PBX3: variants seen among roughly 807,000 people sequenced by gnomAD.
The protein encoded by PBX3 is pre-B-cell leukemia transcription factor 3.
In PBX3, 14 loss-of-function variants were observed where a neutral mutation model predicts 48.5. The ratio of observed to expected loss-of-function variants is 0.29; its 90% CI spans 0.19 to 0.45. PBX3 has a LOEUF of 0.45. Ranked by LOEUF, PBX3 falls within the 20% of genes least tolerant of loss-of-function variation. PBX3 has a pLI of 1.00. For missense variants in PBX3, 386 were observed against 546.7 expected (o/e 0.71, Z 2.93); for synonymous variants, 210 against 200.3 (o/e 1.05, Z -0.41).
chr9:125,773,549 G>A (rs1030214064), intron 2 of PBX3, among the ~76,000 whole-genome samples: 4 of 152,140 alleles, frequency 2.6e-5, no homozygotes, highest in Non-Finnish European at 5.9e-5. Flanking sequence ...TTTGTTTACT[G>A]TTTTGTCCTC....
At chr9:125,835,933 T>C (rs374289032) in intron 2 of PBX3, among the ~76,000 whole-genome samples, 7 of 152,202 alleles carry the variant, frequency 4.6e-5, no homozygotes, top group African/African-American at 1.7e-4. Flanking sequence ...TAGCAAGATA[T>C]AGAATCAGCC....
At chr9:125,822,013 C>G (rs941228171) in intron 2 of PBX3, among the ~76,000 whole-genome samples, 1 of 152,062 alleles carries the variant, frequency 6.6e-6, no homozygotes, top group Middle Eastern at 3.4e-3. Context: ...AAAATGATGG[C>G]AATTTCATAA....
chr9:125,753,623 A>C (rs542448004), intron 2 of PBX3, among the ~76,000 whole-genome samples: 2 of 151,888 alleles, frequency 1.3e-5, no homozygotes, highest in Non-Finnish European at 2.9e-5. Context: ...TTTGTTCCTT[A>C]GTTTTAATGA....
intron 2 of PBX3, among the ~76,000 whole-genome samples, chr9:125,888,480 A>T (rs75635430): frequency 6.6e-6 from 1 of 151,936 alleles, no homozygotes; most frequent in African/African-American, 2.4e-5. Context: ...AGGAGAGGAG[A>T]GGCGGCATAC....
chr9:125,754,526 AAAT>A (rs1185266333), intron 2 of PBX3, among the ~76,000 whole-genome samples: 2 of 152,126 alleles, frequency 1.3e-5, no homozygotes, highest in Non-Finnish European at 2.9e-5. Flanking sequence ...TATATTTAGC[AAAT>A]AATAAGTAAT....
intron 5 of PBX3, among the ~76,000 whole-genome samples, chr9:125,945,550 T>G (rs1007642142): frequency 6.6e-6 from 1 of 152,198 alleles, no homozygotes; most frequent in Non-Finnish European, 1.5e-5. Flanking sequence ...GAACAATGAT[T>G]TGTTAAATGC....
At chr9:125,792,444 A>G (rs561671471) in intron 2 of PBX3, among the ~76,000 whole-genome samples, 2 of 152,170 alleles carry the variant, frequency 1.3e-5, no homozygotes, top group South Asian at 4.2e-4. Context: ...GTGGAGATCA[A>G]TTAAATAGGA....
At chr9:125,897,207 T>A (rs999665694) in intron 2 of PBX3, among the ~76,000 whole-genome samples, 7 of 150,676 alleles carry the variant, frequency 4.6e-5, no homozygotes, top group African/African-American at 1.7e-4. Context: ...TTTTTTCCTG[T>A]TAGGCTAACA....
At chr9:125,877,484 C>T (rs549579976) in intron 2 of PBX3, among the ~76,000 whole-genome samples, 70 of 152,282 alleles carry the variant, frequency 4.6e-4, no homozygotes, top group African/African-American at 1.4e-3. Context: ...CAAAGAGCTA[C>T]GTAAGTGTGT....
rs568947073 is a variant in PBX3 at position 125,747,424 on chromosome 9, C to T, written c.-30C>T. On this transcript the variant is annotated 5_prime_UTR_variant, in exon 1 of 9. Coordinates refer to ENST00000373489, the MANE Select transcript of PBX3 (RefSeq NM_006195.6). ...CCGCCGCCTCAGCCTTCGCCTCAGCCGCCGCCCGCTCCCGCCCGCGCGCGG... is the reference window on the plus strand; with the variant it reads ...CCGCCGCCTCAGCCTTCGCCTCAGCTGCCGCCCGCTCCCGCCCGCGCGCGG... 4.2e-6 allele frequency: 6 copies of T among 1,425,710 alleles called. No homozygotes were observed. The South Asian group carries it at 8.7e-5, about 21-fold the overall frequency. The allele number at this position is 1,425,710 out of a possible 1,614,324, so 88.3% of individuals were successfully genotyped here. A position where few individuals can be genotyped will look rare whatever the true frequency, so the allele number is the denominator to read the frequency against.
chr9:125,946,767 G>T (rs759360762), intron 5 of PBX3, among the ~76,000 whole-genome samples: 36 of 152,132 alleles, frequency 2.4e-4, no homozygotes, highest in Non-Finnish European at 4.6e-4. Flanking sequence ...TTGAGCCCCA[G>T]AAGCAAATGT....
chr9:125,783,408 C>T (rs1193384439), intron 2 of PBX3, among the ~76,000 whole-genome samples: 1 of 152,052 alleles, frequency 6.6e-6, no homozygotes, highest in Non-Finnish European at 1.5e-5. Context: ...CTGCCTCCGC[C>T]TCCTGAGTAG....
At chr9:125,825,044 GGAGGCT>G (rs1391087353) in intron 2 of PBX3, among the ~76,000 whole-genome samples, 1 of 152,160 alleles carries the variant, frequency 6.6e-6, no homozygotes, top group Non-Finnish European at 1.5e-5. Context: ...CAGCACTTTG[GGAGGCT>G]GAGGCAGTGG....
At chr9:125,956,164 T>C (rs1842302956) in intron 5 of PBX3, among the ~76,000 whole-genome samples, 1 of 152,246 alleles carries the variant, frequency 6.6e-6, no homozygotes, top group South Asian at 2.1e-4. Context: ...AGGAAGATAC[T>C]ACTATTTATA....
At chr9:125,895,162 A>G (rs558693217) in intron 2 of PBX3, among the ~76,000 whole-genome samples, 4 of 152,106 alleles carry the variant, frequency 2.6e-5, no homozygotes, top group Non-Finnish European at 5.9e-5. Context: ...GATTTGGCAC[A>G]GCATTGTGAC....
At chr9:125,795,688 AC>A (rs1301900220) in intron 2 of PBX3, among the ~76,000 whole-genome samples, 3 of 152,196 alleles carry the variant, frequency 2.0e-5, no homozygotes, top group African/African-American at 7.2e-5. Flanking sequence ...CTTGGTATTG[AC>A]ACTGTAAGAC....
chr9:125,773,948 C>A (rs1837006545), intron 2 of PBX3, among the ~76,000 whole-genome samples: 1 of 152,160 alleles, frequency 6.6e-6, no homozygotes, highest in South Asian at 2.1e-4. Flanking sequence ...CCACTTCTTT[C>A]TAGTTCCAAA....
chr9:125,941,900 G>A (rs924391738), intron 5 of PBX3, among the ~76,000 whole-genome samples: 5 of 152,094 alleles, frequency 3.3e-5, no homozygotes, highest in Non-Finnish European at 7.3e-5. Context: ...GTAACTGGCT[G>A]TATTTTCTCT....
chr9:125,930,975 A>T (rs999430206), intron 4 of PBX3, among the ~76,000 whole-genome samples: 1 of 152,166 alleles, frequency 6.6e-6, no homozygotes, highest in Non-Finnish European at 1.5e-5. Flanking sequence ...TGAAGATTTT[A>T]TTATTCTTTT....
Sources: gnomAD v4.1 joint callset for allele counts (sites outside exome capture counted in the v4.1 genomes callset) on GRCh38, gnomAD v4.1.1 for gene constraint, MANE v1.5 for transcripts, NCBI Gene and HGNC (gene_info 2026-07-23, HGNC 2026-07-21) for gene names.